MECOM: variants seen among roughly 807,000 people sequenced by gnomAD.
The protein encoded by MECOM is histone-lysine N-methyltransferase MECOM.
Under a neutral mutation model 116.3 loss-of-function variants are expected in MECOM, and 13 were observed. The ratio of observed to expected loss-of-function variants is 0.11; its 90% CI spans 0.07 to 0.18. The LOEUF is 0.18. Ranked by LOEUF, MECOM falls within the 10% of genes least tolerant of loss-of-function variation. The probability of loss-of-function intolerance (pLI) is 1.00; values close to 1 mark genes in which losing one functional copy is unlikely to be tolerated. For missense variants in MECOM, 1,299 were observed against 1,509.0 expected, an observed-to-expected ratio of 0.86 and a Z score of 2.31; for synonymous variants, 528 against 535.2, an observed-to-expected ratio of 0.99 and a Z score of 0.19.
intron 12 of MECOM, among the ~76,000 whole-genome samples, chr3:169,098,725 G>A (rs73166194): frequency 8.0e-4 from 121 of 151,652 alleles, no homozygotes; most frequent in African/African-American, 2.7e-3. Flanking sequence ...ATGGGGTCTC[G>A]CTGTGTTGTC....
chr3:169,225,483 C>T (rs896358619), intron 2 of MECOM, among the ~76,000 whole-genome samples: 1 of 152,182 alleles, frequency 6.6e-6, no homozygotes, highest in Admixed American at 6.5e-5. Context: ...GTGATCTTAG[C>T]TGTATCTTCT....
chr3:169,487,108 A>T (rs1370712618), intron 1 of MECOM, among the ~76,000 whole-genome samples: 1 of 152,124 alleles, frequency 6.6e-6, no homozygotes, highest in Non-Finnish European at 1.5e-5. Flanking sequence ...AAAAAAGAGT[A>T]AAATAAAGAT....
intron 2 of MECOM, among the ~76,000 whole-genome samples, chr3:169,240,121 T>C (rs565599700): frequency 6.6e-6 from 1 of 152,238 alleles, no homozygotes; most frequent in African/African-American, 2.4e-5. Flanking sequence ...ACTGGTTTTA[T>C]GATTATAGAA....
intron 1 of MECOM, among the ~76,000 whole-genome samples, chr3:169,395,760 T>C (rs932126931): frequency 3.3e-5 from 5 of 152,310 alleles, no homozygotes; most frequent in African/African-American, 1.2e-4. Flanking sequence ...ACCAACTAAA[T>C]TTGTTTCCAC....
chr3:169,250,201 A>G (rs1756088065), intron 2 of MECOM, among the ~76,000 whole-genome samples: 1 of 152,216 alleles, frequency 6.6e-6, no homozygotes, highest in Admixed American at 6.5e-5. Context: ...AGGCCTCACG[A>G]AAACACACTG....
chr3:169,280,493 G>T (rs1711695567), intron 2 of MECOM, among the ~76,000 whole-genome samples: 2 of 152,004 alleles, frequency 1.3e-5, no homozygotes, highest in Admixed American at 6.6e-5. Context: ...TAAAGAAATA[G>T]AACAGATTTA....
chr3:169,355,934 G>A (rs1303785090), intron 2 of MECOM, among the ~76,000 whole-genome samples: 1 of 151,696 alleles, frequency 6.6e-6, no homozygotes, highest in African/African-American at 2.4e-5. Flanking sequence ...TTTTGATGGG[G>A]ATTTTTCTCC....
intron 2 of MECOM, among the ~76,000 whole-genome samples, chr3:169,270,561 C>T (rs1216496803): frequency 6.6e-6 from 1 of 151,968 alleles, no homozygotes; most frequent in Non-Finnish European, 1.5e-5. Flanking sequence ...AAAGCAAGAA[C>T]AGAAATTTTA....
intron 1 of MECOM, among the ~76,000 whole-genome samples, chr3:169,578,135 G>A (rs1328997137): frequency 6.6e-6 from 1 of 152,130 alleles, no homozygotes; most frequent in African/African-American, 2.4e-5. Flanking sequence ...TAAATTATAA[G>A]CCCTGTTCAT....
chr3:169,210,881 A>G (rs1181827322), intron 2 of MECOM, among the ~76,000 whole-genome samples: 1 of 152,148 alleles, frequency 6.6e-6, no homozygotes, highest in Non-Finnish European at 1.5e-5. Flanking sequence ...ACAATTAGAG[A>G]GCCTGGATTC....
chr3:169,303,449 A>T (rs1164016646), intron 2 of MECOM, among the ~76,000 whole-genome samples: 4 of 152,222 alleles, frequency 2.6e-5, no homozygotes, highest in African/African-American at 9.7e-5. Context: ...GAGGTGGAAG[A>T]CATGTTAGAA....
At chr3:169,193,026 G>A (rs1747922049) in intron 2 of MECOM, among the ~76,000 whole-genome samples, 1 of 151,904 alleles carries the variant, frequency 6.6e-6, no homozygotes, top group Non-Finnish European at 1.5e-5. Context: ...GGGTAATATC[G>A]AAATGACACA....
At chr3:169,562,703 C>T (rs1762795001) in intron 1 of MECOM, among the ~76,000 whole-genome samples, 1 of 152,090 alleles carries the variant, frequency 6.6e-6, no homozygotes, top group African/African-American at 2.4e-5. Flanking sequence ...CTTGGAAGGA[C>T]TAGTGAATTT....
chr3:169,599,659 T>C (rs1767588805), intron 1 of MECOM, among the ~76,000 whole-genome samples: 1 of 152,164 alleles, frequency 6.6e-6, no homozygotes, highest in African/African-American at 2.4e-5. Context: ...CAATCAATTC[T>C]CTCACTGGGA....
chr3:169,163,185 T>A (rs1203045531), intron 2 of MECOM, among the ~76,000 whole-genome samples: 1 of 152,218 alleles, frequency 6.6e-6, no homozygotes, highest in Admixed American at 6.5e-5. Context: ...AGATTGGATA[T>A]GTAGGCAAAA....
chr3:169,293,347 GC>G (rs1168046979), intron 2 of MECOM, among the ~76,000 whole-genome samples: 17 of 152,126 alleles, frequency 1.1e-4, no homozygotes, highest in Admixed American at 1.1e-3. Context: ...GGCCTTTGAG[GC>G]CCTTCCTCTC....
At chr3:169,408,193 G>C (rs143953869) in intron 1 of MECOM, among the ~76,000 whole-genome samples, 11 of 152,244 alleles carry the variant, frequency 7.2e-5, no homozygotes, top group Admixed American at 5.9e-4. Flanking sequence ...TCCGAGAACA[G>C]TATAAAAATG....
At chr3:169,163,610 G>A (rs530196072) in intron 2 of MECOM, among the ~76,000 whole-genome samples, 1 of 152,248 alleles carries the variant, frequency 6.6e-6, no homozygotes, top group East Asian at 1.9e-4. Context: ...ATTGAGTATA[G>A]AAGTAGCCCA....
intron 1 of MECOM, among the ~76,000 whole-genome samples, chr3:169,429,300 G>A (rs1387729571): frequency 6.6e-6 from 1 of 152,128 alleles, no homozygotes; most frequent in African/African-American, 2.4e-5. Flanking sequence ...GTGTGGGTGT[G>A]TATCTGTCTG....
Sources: allele counts gnomAD v4.1 joint callset (sites outside exome capture counted in the v4.1 genomes callset), GRCh38; gene constraint gnomAD v4.1.1; transcripts MANE v1.5; gene names NCBI Gene and HGNC (gene_info 2026-07-23, HGNC 2026-07-21).